The following DST variants were observed in gnomAD, a reference collection of about 807,000 sequenced individuals.
DST encodes bullous pemphigoid antigen.
In DST, 253 loss-of-function variants were observed where a neutral mutation model predicts 875.2. The ratio of observed to expected loss-of-function variants is 0.29; its 90% confidence interval spans 0.26 to 0.32. DST has a LOEUF of 0.32. Ranked by LOEUF, DST falls within the 10% of genes least tolerant of loss-of-function variation. DST has a pLI of 1.00. For missense variants in DST, 8,287 were observed against 9,111.6 expected (o/e 0.91, Z 3.68); for synonymous variants, 3,124 against 3,197.1 (o/e 0.98, Z 0.77).
intron 2 of DST, among the ~76,000 whole-genome samples, chr6:56,914,842 C>A (rs1247417347): frequency 3.3e-5 from 5 of 152,154 alleles, no homozygotes; most frequent in Non-Finnish European, 5.9e-5. Context: ...AAACAGGTAA[C>A]AGTAACCATA....
Position 56,608,701 on chromosome 6 carries a change from C to G in DST, c.5927G>C (p.Gly1976Ala). 6.2e-7 allele frequency: 1 copy of G among 1,612,512 alleles called. No homozygotes were observed. Among genetic ancestry groups the G allele is most frequent in the Non-Finnish European group, 8.5e-7 (1 of 1,179,288 alleles). ...NISILRAAHE[G>A]LIDRETMFRL... ...AAACATGGTTTCACGGTCTATGAGA[C>G]CTTCATGAGCTGCTCTTAAAATGCT... Residue 1976 changes from glycine to alanine, a missense_variant, in exon 40 of 104, where the codon GGT (glycine) becomes GCT (alanine). Gly to Ala is a moderately conservative substitution (Grantham distance 60). Coordinates refer to ENST00000680361, the MANE Select transcript of DST (RefSeq NM_001374736.1).
chr6:56,786,805 A>G (rs560267216), intron 4 of DST, among the ~76,000 whole-genome samples: 3 of 152,254 alleles, frequency 2.0e-5, no homozygotes, highest in South Asian at 4.2e-4. Flanking sequence ...TTACGTGGGA[A>G]TCACCACTCC....
At chr6:56,718,075 TTAAATAAA>T (rs58579678) in intron 5 of DST, among the ~76,000 whole-genome samples, 1 of 151,274 alleles carries the variant, frequency 6.6e-6, no homozygotes, top group African/African-American at 2.4e-5. Context: ...AAACCTTGTC[TTAAATAAA>T]TAAATAAATA....
At chr6:56,693,287 G>A in intron 9 of DST, 1 of 1,176,768 alleles carries the variant, frequency 8.5e-7, no homozygotes, top group Non-Finnish European at 1.1e-6. Flanking sequence ...TCTTCAGTCT[G>A]AGGCCATTTT....
chr6:56,785,056 C>T (rs568215559), intron 4 of DST, among the ~76,000 whole-genome samples: 10 of 152,258 alleles, frequency 6.6e-5, no homozygotes, highest in Non-Finnish European at 1.2e-4. Flanking sequence ...TCGTGATCCG[C>T]GAATGCTGCT....
At chr6:56,512,860 T>C (rs375987975) in intron 72 of DST, among the ~76,000 whole-genome samples, 3 of 152,328 alleles carry the variant, frequency 2.0e-5, no homozygotes, top group African/African-American at 7.2e-5. Flanking sequence ...GAGTCTAATA[T>C]AGCATGCTGC....
chr6:56,485,530 A>T (rs1214269938), intron 87 of DST, 59 bp from the exon 88 acceptor site: 6 of 1,512,264 alleles, frequency 4.0e-6, no homozygotes, highest in Middle Eastern at 3.5e-4. Flanking sequence ...CATATATCTG[A>T]ACATCTAAAA....
chr6:56,952,023 C>T (rs1562511497), intron 2 of DST, among the ~76,000 whole-genome samples: 1 of 151,930 alleles, frequency 6.6e-6, no homozygotes, highest in African/African-American at 2.4e-5. Flanking sequence ...CCACTGTATA[C>T]AAGGCACTGA....
At chr6:56,527,344 G>T in intron 68 of DST, 149 bp downstream of exon 68, 3 of 948,568 alleles carry the variant, frequency 3.2e-6, no homozygotes, top group Middle Eastern at 2.9e-4. Flanking sequence ...TTAAACAGTT[G>T]ATCTGCTGCC....
chr6:56,514,192 GC>G, intron 72 of DST, among the ~76,000 whole-genome samples: 1 of 152,264 alleles, frequency 6.6e-6, no homozygotes, highest in East Asian at 1.9e-4. Flanking sequence ...TAAAAATGTG[GC>G]TATTCAAATC....
chr6:56,836,590 C>T (rs1471799691), intron 4 of DST, among the ~76,000 whole-genome samples: 2 of 152,126 alleles, frequency 1.3e-5, no homozygotes, highest in African/African-American at 4.8e-5. Flanking sequence ...GTGGCTCACG[C>T]TTGTAATCCC....
At chr6:56,732,697 C>T (rs2099506356) in intron 5 of DST, among the ~76,000 whole-genome samples, 1 of 152,126 alleles carries the variant, frequency 6.6e-6, no homozygotes. Context: ...TGTGTATATG[C>T]TTTTTTATAG....
chr6:56,878,269 A>G (rs969329360), intron 3 of DST, among the ~76,000 whole-genome samples: 5 of 152,132 alleles, frequency 3.3e-5, no homozygotes, highest in African/African-American at 1.2e-4. Flanking sequence ...TATGCCTTAA[A>G]CCAAGGGAGA....
intron 49 of DST, among the ~76,000 whole-genome samples, chr6:56,584,962 T>C (rs1398770944): frequency 2.0e-4 from 30 of 151,718 alleles, no homozygotes; most frequent in African/African-American, 7.2e-4. Context: ...TCATGGTGGA[T>C]AAGCTTTTTG....
At position 56,517,298 on chromosome 6, in the gene DST, G is replaced by A. The variant is rs769780483; in HGVS notation, c.18257C>T (p.Thr6086Ile). Residue 6086 changes from threonine to isoleucine, a missense_variant, in exon 71 of 104, where the codon ACC (threonine) becomes ATC (isoleucine). This residue lies in a region of DST where 777 missense variants were observed against 764.8 expected (regional missense o/e 1.02). Transcript: ENST00000680361. ...ATCCTTGTGTCTCAAAATCTCCATG[G>A]TGAATGTCTGTGATTTACCAAAATA... Reference protein sequence around the residue: ...SAQLQVQKTFTMEILRHKDII... With the variant: ...SAQLQVQKTFIMEILRHKDII... 2.5e-6 allele frequency: 4 copies of A among 1,610,060 alleles called. No homozygotes were observed. The highest frequency in any genetic ancestry group is 3.4e-6 in the Non-Finnish European group (4 of 1,177,814).
intron 55 of DST, among the ~76,000 whole-genome samples, chr6:56,566,893 C>T (rs751781437): frequency 3.3e-5 from 5 of 152,022 alleles, no homozygotes; most frequent in South Asian, 2.1e-4. Context: ...GAAAATAAAT[C>T]GATTATTAAA....
chr6:56,705,688 T>A (rs778286456), intron 5 of DST, among the ~76,000 whole-genome samples: 2 of 152,196 alleles, frequency 1.3e-5, no homozygotes, highest in South Asian at 4.1e-4. Flanking sequence ...TTTACATAAG[T>A]CACAGAACCT....
In DST at chr6:56,635,598, C is replaced by T. The variant is rs2098817162; in HGVS notation, c.3177G>A (p.Gln1059=). The T allele has an allele frequency of 1.2e-6, 2 of 1,613,884 alleles. No homozygotes were observed. ...GGTTTTGTATTAGTACCATTGATTC[C>T]TGAACAAGGTCTTCTAGCTTGTGAA... ...SSIHKLEDLV[Q]ESMEEKEELL... is the part of the protein sequence containing the mutation. Residue 1059 remains glutamine, a synonymous_variant, in exon 24 of 104, where the codon CAG becomes CAA. Transcript: ENST00000680361.
intron 20 of DST, 37 bp downstream of exon 20, chr6:56,639,659 G>C (rs2098867607): frequency 6.2e-7 from 1 of 1,612,606 alleles, no homozygotes; most frequent in Non-Finnish European, 8.5e-7. Flanking sequence ...GCCAAATATA[G>C]ATAAGGGAAA....
Sources: gnomAD v4.1 joint callset for allele counts (sites outside exome capture counted in the v4.1 genomes callset) on GRCh38, gnomAD v4.1.1 for gene constraint, gnomAD v4.1.1 regional missense constraint, MANE v1.5 for transcripts, NCBI Gene and HGNC (gene_info 2026-07-23, HGNC 2026-07-21) for gene names.